FER: variants seen among roughly 807,000 people sequenced by gnomAD.
FER encodes the protein tyrosine-protein kinase Fer.
FER carries 63 observed loss-of-function variants against 111.0 expected under a neutral mutation model. The observed-to-expected ratio is 0.57, with a 90% CI of 0.46 to 0.70. FER has a LOEUF of 0.70. Ranked by LOEUF, FER falls within the 30% of genes least tolerant of loss-of-function variation. FER has a pLI of 0.00. For synonymous variants in FER, 327 were observed against 313.9 expected (o/e 1.04, Z -0.44); for missense variants, 914 against 954.0 (o/e 0.96, Z 0.55).
At chr5:109,071,968 C>T (rs958798372) in intron 16 of FER, among the ~76,000 whole-genome samples, 5 of 150,922 alleles carry the variant, frequency 3.3e-5, no homozygotes, top group African/African-American at 1.2e-4. Context: ...ACGATGGTCT[C>T]GGTGGATATC....
intron 10 of FER, among the ~76,000 whole-genome samples, chr5:108,923,039 C>A (rs1358260098): frequency 3.3e-5 from 5 of 152,104 alleles, no homozygotes; most frequent in Admixed American, 3.3e-4. Context: ...TTCTGTACCT[C>A]AGTTTTCTCA....
At chr5:108,851,581 G>A (rs1439167592) in intron 5 of FER, among the ~76,000 whole-genome samples, 1 of 152,054 alleles carries the variant, frequency 6.6e-6, no homozygotes, top group African/African-American at 2.4e-5. Context: ...CAAAAATTAA[G>A]AGTAAATATA....
At chr5:108,832,072 G>A (rs1056566979) in intron 3 of FER, among the ~76,000 whole-genome samples, 4 of 151,934 alleles carry the variant, frequency 2.6e-5, no homozygotes, top group Admixed American at 1.3e-4. Flanking sequence ...CTACAATTAT[G>A]TGCCTCTTGC....
At chr5:109,078,606 C>T (rs1437739767) in intron 16 of FER, among the ~76,000 whole-genome samples, 1 of 152,124 alleles carries the variant, frequency 6.6e-6, no homozygotes, top group Non-Finnish European at 1.5e-5. Context: ...TCACATCATC[C>T]ACACAATGAG....
At chr5:108,935,875 A>G (rs866398723) in intron 10 of FER, among the ~76,000 whole-genome samples, 1 of 152,082 alleles carries the variant, frequency 6.6e-6, no homozygotes, top group South Asian at 2.1e-4. Context: ...ATGAGACCAG[A>G]AAGTCCTCTG....
At chr5:108,772,352 TTTG>T (rs1233839804) in intron 2 of FER, among the ~76,000 whole-genome samples, 11 of 93,870 alleles carry the variant, frequency 1.2e-4, no homozygotes, top group East Asian at 4.6e-4. Flanking sequence ...ATGTATATAT[TTTG>T]TTGTTGTTGT....
At chr5:108,971,407 G>C (rs978039235) in intron 13 of FER, among the ~76,000 whole-genome samples, 25 of 151,494 alleles carry the variant, frequency 1.7e-4, no homozygotes, top group Non-Finnish European at 3.2e-4. Flanking sequence ...TAATTTCCTT[G>C]TTGAGCTTAA....
chr5:108,841,313 A>G (rs2150154626), intron 5 of FER, among the ~76,000 whole-genome samples: 1 of 152,314 alleles, frequency 6.6e-6, no homozygotes, highest in African/African-American at 2.4e-5. Flanking sequence ...TTACCTTCCT[A>G]TTGAAGGTTA....
chr5:109,159,789 G>A (rs762013985), intron 17 of FER, among the ~76,000 whole-genome samples: 3 of 152,176 alleles, frequency 2.0e-5, no homozygotes, highest in African/African-American at 4.8e-5. Flanking sequence ...TAGAGTCTGC[G>A]AATAGTCGCA....
chr5:109,047,067 C>T (rs760790435), intron 15 of FER, 37 bp from the exon 16 acceptor site: 2 of 1,084,110 alleles, frequency 1.8e-6, no homozygotes, highest in Non-Finnish European at 2.8e-6. Flanking sequence ...CTTTATTATT[C>T]AAATGATAAC....
intron 2 of FER, among the ~76,000 whole-genome samples, chr5:108,790,336 T>C (rs971795456): frequency 1.2e-4 from 18 of 152,160 alleles, no homozygotes; most frequent in African/African-American, 2.4e-4. Flanking sequence ...ATTTTTACCA[T>C]GTCTTCAAAT....
intron 13 of FER, among the ~76,000 whole-genome samples, chr5:108,977,316 G>C (rs1761485203): frequency 6.6e-6 from 1 of 152,040 alleles, no homozygotes; most frequent in Admixed American, 6.6e-5. Flanking sequence ...ATATTTTATG[G>C]TAGTAAATAA....
At chr5:109,047,650 G>A (rs529047230) in intron 16 of FER, among the ~76,000 whole-genome samples, 44 of 152,048 alleles carry the variant, frequency 2.9e-4, no homozygotes, top group African/African-American at 8.9e-4. Flanking sequence ...GCTCAGGCTG[G>A]TCTTGAACTT....
intron 13 of FER, among the ~76,000 whole-genome samples, chr5:109,024,754 C>T (rs1768433407): frequency 6.6e-6 from 1 of 152,120 alleles, no homozygotes; most frequent in Non-Finnish European, 1.5e-5. Context: ...GTGCCTTTCA[C>T]ATCATGTTTA....
intron 1 of FER, among the ~76,000 whole-genome samples, chr5:108,760,711 G>A (rs905719918): frequency 6.6e-6 from 1 of 152,222 alleles, no homozygotes; most frequent in South Asian, 2.1e-4. Flanking sequence ...GAGAGTTAAG[G>A]CCTTGTTCTG....
intron 14 of FER, among the ~76,000 whole-genome samples, chr5:109,044,206 T>C (rs1771610585): frequency 6.7e-6 from 1 of 148,788 alleles, no homozygotes; most frequent in Admixed American, 6.8e-5. Context: ...GGAGACAGAG[T>C]CTTGCTCTGT....
At chr5:109,075,163 T>C (rs192194312) in intron 16 of FER, among the ~76,000 whole-genome samples, 1 of 152,254 alleles carries the variant, frequency 6.6e-6, no homozygotes, top group Admixed American at 6.5e-5. Flanking sequence ...CTGCTGTCTC[T>C]TTTCTTGTTC....
At chr5:108,945,733 A>C (rs1756899410) in intron 10 of FER, among the ~76,000 whole-genome samples, 1 of 151,776 alleles carries the variant, frequency 6.6e-6, no homozygotes, top group African/African-American at 2.4e-5. Context: ...TTCTTATTTG[A>C]ATTCCCTCCC....
chr5:109,010,261 C>T (rs370018264), intron 13 of FER, among the ~76,000 whole-genome samples: 3 of 152,092 alleles, frequency 2.0e-5, no homozygotes, highest in East Asian at 3.9e-4. Flanking sequence ...GGGTTAATGC[C>T]ATTCTCCTGC....
Sources: gnomAD v4.1 joint callset for allele counts (sites outside exome capture counted in the v4.1 genomes callset) on GRCh38, gnomAD v4.1.1 for gene constraint, MANE v1.5 for transcripts, NCBI Gene and HGNC (gene_info 2026-07-23, HGNC 2026-07-21) for gene names.